The following ITGA4 variants were observed in gnomAD, a reference collection of about 807,000 sequenced individuals.
ITGA4 encodes the protein integrin subunit alpha 4.
A neutral mutation model predicts 133.6 loss-of-function variants in ITGA4; 63 were observed. The observed-to-expected ratio is 0.47, with a 90% CI of 0.38 to 0.58. ITGA4 has a LOEUF of 0.58. ITGA4 is among the 20% of genes least tolerant of loss of function. The pLI, the probability that ITGA4 is intolerant of heterozygous loss-of-function variation, is 0.00. For synonymous variants in ITGA4, 483 were observed against 438.0 expected, an observed-to-expected ratio of 1.10 and a Z score of -1.28; for missense variants, 1,076 against 1,252.7, an observed-to-expected ratio of 0.86 and a Z score of 2.13.
At position 181,535,412 on chromosome 2, in the gene ITGA4, TTA is replaced by T. The variant is rs776436142; in HGVS notation, c.3004-18_3004-17del. 1.0e-5 allele frequency: 16 copies of T among 1,575,288 alleles called. No individual in the cohort carries two copies. The South Asian group carries it at 1.0e-4, about 10-fold the overall frequency. Reference sequence around the variant, plus strand: ...AGTGTTCATAACTATACACTAGTGATTATGTTATGCTATTTTCAGGCTGGCTT... The same window carrying T: ...AGTGTTCATAACTATACACTAGTGATTGTTATGCTATTTTCAGGCTGGCTT... On this transcript the variant is annotated intron_variant, in intron 27 of 27. Transcript: ENST00000397033.
In ITGA4 at chr2:181,513,534, C is replaced by T. The variant is rs956051664; in HGVS notation, c.1922+1759C>T. On this transcript the variant is annotated intron_variant, in intron 17 of 27. Transcript: ENST00000397033. Reference sequence around the variant, plus strand: ...TACCACTATTACTCCAAACTAGGCACTCACTATCCTACCTAGGTCACTAAG... The same window carrying T: ...TACCACTATTACTCCAAACTAGGCATTCACTATCCTACCTAGGTCACTAAG... 2.3e-4 allele frequency among the ~76,000 whole-genome samples: 35 copies of T among 152,230 alleles called. 2 individuals carry two copies. The highest frequency in any genetic ancestry group is 1.8e-3 in the Admixed American group (27 of 15,266).
intron 16 of ITGA4, among the ~76,000 whole-genome samples, chr2:181,511,291 A>C (rs1686502094): frequency 6.6e-6 from 1 of 152,146 alleles, no homozygotes; most frequent in Non-Finnish European, 1.5e-5. Flanking sequence ...ATATAAAATC[A>C]CTGTCCCAAC....
chr2:181,511,184 G>A (rs10204136), intron 16 of ITGA4, among the ~76,000 whole-genome samples: 109,457 of 151,916 alleles, frequency 0.72, 39,726 homozygotes, highest in South Asian at 0.9. Flanking sequence ...AAAAAGCTTC[G>A]AGTTAATTAA....
In ITGA4 at chr2:181,495,045, A is replaced by G. The variant is rs1247418086; in HGVS notation, c.1339+233A>G. Among the ~76,000 whole-genome samples, 2 of 152,224 alleles carry G rather than the reference A, an allele frequency of 1.3e-5. No homozygotes were observed. Among genetic ancestry groups the G allele is most frequent in the Non-Finnish European group, 2.9e-5 (2 of 68,046 alleles). On this transcript the variant is annotated intron_variant, in intron 12 of 27. Coordinates refer to ENST00000397033, the MANE Select transcript of ITGA4 (RefSeq NM_000885.6). This position sits in a 1 kb window ranked among gnomAD's most constrained non-coding sequence, Gnocchi z 4.3. Reference sequence around the variant, plus strand: ...TGTTTTTGAAAACATGAAAGCACTCATGAAAATCAAATATATGAGGAAAAG... The same window carrying G: ...TGTTTTTGAAAACATGAAAGCACTCGTGAAAATCAAATATATGAGGAAAAG...
chr2:181,495,207 G>T lies in ITGA4; in HGVS notation c.1340-164G>T, dbSNP rs552022901. ...TGAATGTTGTACATGAATAGATTCA[G>T]AGAAAAGTGGAAAGAATCGTAAGAT... On this transcript the variant is annotated intron_variant, in intron 12 of 27. Coordinates refer to ENST00000397033, the MANE Select transcript of ITGA4 (RefSeq NM_000885.6). This position sits in a 1 kb window ranked among gnomAD's most constrained non-coding sequence, Gnocchi z 4.3. Among the ~76,000 whole-genome samples the T allele has an allele frequency of 9.8e-5, 15 of 152,320 alleles. No individual in the cohort carries two copies. The South Asian group carries it at 3.1e-3, about 32-fold the overall frequency.
intron 4 of ITGA4, among the ~76,000 whole-genome samples, chr2:181,477,406 C>T (rs1685701068): frequency 6.6e-6 from 1 of 152,086 alleles, no homozygotes; most frequent in Non-Finnish European, 1.5e-5. Flanking sequence ...GGGAGATAAT[C>T]AACAGAGTGA....
intron 2 of ITGA4, among the ~76,000 whole-genome samples, chr2:181,462,986 AAGAT>A (rs1412822960): frequency 6.6e-6 from 1 of 152,180 alleles, no homozygotes; most frequent in African/African-American, 2.4e-5. Context: ...TAAAGTTTAT[AAGAT>A]AGGTTATTAT....
At chr2:181,526,838 T>TTTTTTTTTTTTTTTTTTTG (rs1686841028) in intron 21 of ITGA4, among the ~76,000 whole-genome samples, 1 of 105,860 alleles carries the variant, frequency 9.4e-6, no homozygotes, top group Non-Finnish European at 1.8e-5. Flanking sequence ...TTTTTTTTTT[T>TTTTTTTTTTTTTTTTTTTG]TTTTTTTTTT....
chr2:181,465,122 C>T (rs1239815570), intron 2 of ITGA4, among the ~76,000 whole-genome samples: 2 of 151,896 alleles, frequency 1.3e-5, no homozygotes, highest in Admixed American at 1.3e-4. Context: ...CAATGTGCAC[C>T]ATCTGTTTGT....
At chr2:181,465,152 C>G (rs1281593447) in intron 2 of ITGA4, among the ~76,000 whole-genome samples, 1 of 152,058 alleles carries the variant, frequency 6.6e-6, no homozygotes, top group Admixed American at 6.6e-5. Flanking sequence ...CAAGGTCTAC[C>G]TCACCACAAT....
intron 4 of ITGA4, among the ~76,000 whole-genome samples, chr2:181,476,863 A>T (rs1186036203): frequency 6.6e-6 from 1 of 152,198 alleles, no homozygotes; most frequent in Non-Finnish European, 1.5e-5. Flanking sequence ...GAACTAACAC[A>T]GGAACAGAAA....
chr2:181,477,937 C>T (rs1246808061), intron 4 of ITGA4, among the ~76,000 whole-genome samples: 5 of 152,042 alleles, frequency 3.3e-5, no homozygotes, highest in African/African-American at 9.7e-5. Flanking sequence ...GTTACAGAAA[C>T]AAGCTTAGTG....
rs201076589 is a variant in ITGA4 at position 181,493,394 on chromosome 2, A to G, written c.1223A>G (p.Asp408Gly). Residue 408 changes from aspartate (D) to glycine (G), a missense_variant, in exon 11 of 28, where the codon GAT becomes GGT. This residue lies in a region of ITGA4 where 436 missense variants were observed against 590.7 expected (regional missense o/e 0.74). Coordinates refer to ENST00000397033, the MANE Select transcript of ITGA4 (RefSeq NM_000885.6). ...ATTTATATTTACAATGGCCGTGCAG[A>G]TGGGATCTCGTCAACCTTCTCACAG... ...GAIYIYNGRA[D>G]GISSTFSQRI... 3.7e-6 allele frequency: 6 copies of G among 1,611,834 alleles called. No homozygotes were observed. The African/African-American group carries it at 8.0e-5, about 22-fold the overall frequency.
At chr2:181,499,466 G>A (rs1199397298) in intron 15 of ITGA4, among the ~76,000 whole-genome samples, 1 of 152,114 alleles carries the variant, frequency 6.6e-6, no homozygotes, top group Non-Finnish European at 1.5e-5. Flanking sequence ...AGGGAACGGT[G>A]TACTTCATCA....
At chr2:181,458,156 C>G in intron 1 of ITGA4, 40 bp from the exon 2 acceptor site, 1 of 1,613,098 alleles carries the variant, frequency 6.2e-7, no homozygotes, top group Non-Finnish European at 8.5e-7. Context: ...GTGGGCAGCA[C>G]AGCTCACGTC....
chr2:181,529,586 A>G lies in ITGA4; in HGVS notation c.2476A>G (p.Ile826Val). ...TATGGCTCCCAATGTTAGTGTGGAA[A>G]TAATGGTACCAAATTCTTTTAGCCC... ...NSMAPNVSVE[I>V]MVPNSFSPQT... Residue 826 changes from isoleucine (I) to valine (V), a missense_variant, in exon 23 of 28, where the codon ATA becomes GTA. Physicochemically the swap from Ile to Val is conservative, Grantham distance 29. This residue lies in a region of ITGA4 where 365 missense variants were observed against 421.4 expected (regional missense o/e 0.87). Transcript: ENST00000397033. 1 of 1,611,514 alleles carries G rather than the reference A, an allele frequency of 6.2e-7. No individual in the cohort carries two copies.
At chr2:181,470,565 T>A (rs1685523793) in intron 2 of ITGA4, among the ~76,000 whole-genome samples, 1 of 152,128 alleles carries the variant, frequency 6.6e-6, no homozygotes, top group South Asian at 2.1e-4. Context: ...TTCAGTTGAT[T>A]CTAACGTCCA....
intron 17 of ITGA4, 104 bp downstream of exon 17, chr2:181,511,879 A>C (rs1686513258): frequency 1.6e-6 from 1 of 620,974 alleles, no homozygotes; most frequent in Non-Finnish European, 2.9e-6. Flanking sequence ...ACCCTTGAAA[A>C]TTAACAGCGT....
rs1388746905 is a variant in ITGA4, at chr2:181,520,182, A to G, written c.1923-2009A>G. On this transcript the variant is annotated intron_variant, in intron 17 of 27. Transcript: ENST00000397033. ...GCAATGCAGGGTGAAGGTGGTTAACAGTGAGTTTTGGCTGGAAGAACAACT... is the reference window on the plus strand; with the variant it reads ...GCAATGCAGGGTGAAGGTGGTTAACGGTGAGTTTTGGCTGGAAGAACAACT... 2.0e-5 allele frequency among the ~76,000 whole-genome samples: 3 copies of G among 152,144 alleles called. No individual in the cohort carries two copies. In the East Asian group the frequency reaches 5.8e-4, roughly 29 times the overall value.
Sources: allele counts gnomAD v4.1 joint callset (sites outside exome capture counted in the v4.1 genomes callset), GRCh38; gene constraint gnomAD v4.1.1; regional missense constraint gnomAD v4.1.1; non-coding constraint Gnocchi (gnomAD v3.1); transcripts MANE v1.5; gene names NCBI Gene and HGNC (gene_info 2026-07-23, HGNC 2026-07-21).